PHF19: variants seen among roughly 807,000 people sequenced by gnomAD.
The protein encoded by PHF19 is polycomb like 3.
In PHF19, 21 loss-of-function variants were observed where a neutral mutation model predicts 79.8. The observed-to-expected ratio is 0.26, with a 90% CI of 0.19 to 0.38. PHF19 has a LOEUF of 0.38. Among genes scored for constraint, PHF19 ranks in the 10% least tolerant of loss-of-function variants. The pLI is 1.00. For synonymous variants in PHF19, 273 were observed against 296.3 expected (o/e 0.92, Z 0.81); for missense variants, 445 against 744.2 (o/e 0.60, Z 4.68).
upstream of PHF19, among the ~76,000 whole-genome samples, chr9:120,881,919 G>A (rs1013167699): frequency 3.9e-5 from 6 of 152,270 alleles, no homozygotes; most frequent in Middle Eastern, 3.4e-3. Flanking sequence ...ACGCTATCAC[G>A]CCTGGCTAAT....
rs2045381867 is a variant in PHF19, at chr9:120,857,260, A to C, written c.*684T>G. ...GACTTCTGGGACCTCCAAAGCTGACATTGGCAGCCTTCACTCTCAGCCTTA... is the reference window on the plus strand; with the variant it reads ...GACTTCTGGGACCTCCAAAGCTGACCTTGGCAGCCTTCACTCTCAGCCTTA... On this transcript the variant is annotated 3_prime_UTR_variant, in exon 15 of 15. Coordinates refer to ENST00000373896, the MANE Select transcript of PHF19 (RefSeq NM_015651.3). 1 of 151,822 alleles carries C rather than the reference A, an allele frequency of 6.6e-6. No homozygotes were observed. The allele number at this position is 151,822 out of a possible 1,614,324, so 9.4% of individuals were successfully genotyped here. A position where few individuals can be genotyped will look rare whatever the true frequency, so the allele number is the denominator to read the frequency against.
In PHF19 at chr9:120,858,093, G is replaced by A; in HGVS notation, c.1594C>T (p.Leu532=). 1 of 1,614,188 alleles carries A rather than the reference G, an allele frequency of 6.2e-7. No homozygotes were observed. The highest frequency in any genetic ancestry group is 2.2e-5 in the East Asian group (1 of 44,876). ...GTGATAGATGACTTGAGGTGGGACA[G>A]GGATGAGTCATCTTCACTGATGCTC... is the stretch of plus-strand genomic sequence containing the variant. ...FESISEDDSS[L]SHLKSSITNY... Residue 532 remains leucine (L), a synonymous_variant, in exon 15 of 15, where the codon CTG becomes TTG. Coordinates refer to ENST00000373896, the MANE Select transcript of PHF19 (RefSeq NM_015651.3).
At chr9:120,861,849 G>A (rs2045537073) in intron 12 of PHF19, 69 bp downstream of exon 12, 11 of 1,094,728 alleles carry the variant, frequency 1.0e-5, no homozygotes, top group Non-Finnish European at 1.6e-5. Context: ...CTTAGTTTTC[G>A]GCACAGGAAG....
chr9:120,870,740 A>C lies in PHF19; in HGVS notation c.269-202T>G, dbSNP rs1250160146. On this transcript the variant is annotated intron_variant, in intron 3 of 14. Coordinates refer to ENST00000373896, the MANE Select transcript of PHF19 (RefSeq NM_015651.3). This position sits in a 1 kb window ranked among gnomAD's most constrained non-coding sequence, Gnocchi z 4.4. ...GGGAAATTGAGGCTCTGAAAGGTTA[A>C]GTCCCTTGCTTAGCTAGTAAGTAGG... Among the ~76,000 whole-genome samples the C allele has an allele frequency of 1.3e-5, 2 of 152,212 alleles. No homozygotes were observed. The highest frequency in any genetic ancestry group is 3.8e-4 in the East Asian group (2 of 5,200).
At chr9:120,871,063 C>T (rs1312829038) in intron 3 of PHF19, among the ~76,000 whole-genome samples, 1 of 152,178 alleles carries the variant, frequency 6.6e-6, no homozygotes, top group East Asian at 1.9e-4. Flanking sequence ...CCACCACACC[C>T]AGCTACTTTT....
At position 120,856,736 on chromosome 9, in the gene PHF19, T is replaced by C. The variant is rs2045368913; in HGVS notation, c.*1208A>G. ...AAAAATTTCAACCTATCCCAAAAAG[T>C]GATTGTCCATTTCAGGGCAGGGCAA... is the stretch of plus-strand genomic sequence containing the variant. On this transcript the variant is annotated 3_prime_UTR_variant, in exon 15 of 15. Transcript: ENST00000373896. The C allele has an allele frequency of 6.6e-6, 1 of 152,564 alleles. No individual in the cohort carries two copies. The highest frequency in any genetic ancestry group is 2.4e-5 in the African/African-American group (1 of 41,422). 9.5% of individuals were successfully genotyped at this position (152,564 alleles called of 1,614,324 possible).
In PHF19 at chr9:120,862,570, G is replaced by T; in HGVS notation, c.1130+18C>A. On this transcript the variant is annotated intron_variant, in intron 11 of 14. Transcript: ENST00000373896. This position sits in a 1 kb window ranked among gnomAD's most constrained non-coding sequence, Gnocchi z 4.6. The stretch of plus-strand genomic sequence containing the variant: ...GAGTTTGGCGGCAGCCCTGGCCCCT[G>T]GGTCCCCGAGCACTGACCCAGGCTT... 1 of 1,609,044 alleles carries T rather than the reference G, an allele frequency of 6.2e-7. No individual in the cohort carries two copies. Among genetic ancestry groups the T allele is most frequent in the South Asian group, 1.1e-5 (1 of 90,928 alleles).
chr9:120,877,672 A>C (rs561400389), upstream of PHF19, among the ~76,000 whole-genome samples: 3 of 152,356 alleles, frequency 2.0e-5, no homozygotes, highest in East Asian at 5.8e-4. Flanking sequence ...ACACAGACCC[A>C]GGACGCCCAA....
Position 120,869,548 on chromosome 9 carries a change from G to T in PHF19, c.466-218C>A. ...GATAACAGAATTAAGAGTAATAAGCGCAATAAAGGCAACAATTACCAACAT... is the reference window on the plus strand; with the variant it reads ...GATAACAGAATTAAGAGTAATAAGCTCAATAAAGGCAACAATTACCAACAT... On this transcript the variant is annotated intron_variant, in intron 5 of 14. Coordinates refer to ENST00000373896, the MANE Select transcript of PHF19 (RefSeq NM_015651.3). The surrounding 1 kb of genome is among the most constrained non-coding windows in gnomAD (Gnocchi z 5.8). 1.4e-6 allele frequency: 2 copies of T among 1,431,062 alleles called. No homozygotes were observed. Among genetic ancestry groups the T allele is most frequent in the Non-Finnish European group, 1.8e-6 (2 of 1,088,346 alleles). 88.6% of individuals were successfully genotyped at this position (1,431,062 alleles called of 1,614,324 possible).
chr9:120,899,251 C>A (rs773747611), upstream of PHF19, among the ~76,000 whole-genome samples: 1 of 150,230 alleles, frequency 6.7e-6, no homozygotes, highest in Non-Finnish European at 1.5e-5. Context: ...GTAATCCCAG[C>A]ACTTTGGGAA....
At chr9:120,895,385 G>T (rs2046392613), upstream of PHF19, among the ~76,000 whole-genome samples, 1 of 149,298 alleles carries the variant, frequency 6.7e-6, no homozygotes, top group Non-Finnish European at 1.5e-5. Flanking sequence ...CTGAGTTCGA[G>T]ACCAGCCTGC....
chr9:120,895,469 G>GA (rs77732593), upstream of PHF19, among the ~76,000 whole-genome samples: 3,301 of 103,056 alleles, frequency 0.032, 58 homozygotes, highest in Non-Finnish European at 0.043. Flanking sequence ...TGTCTCAAAA[G>GA]AAAAAAAAAA....
intron 6 of PHF19, chr9:120,868,555 A>G (rs1412147031): frequency 6.5e-6 from 1 of 154,900 alleles, no homozygotes; most frequent in Non-Finnish European, 1.4e-5. Context: ...ACCACTCTTC[A>G]ATACTTCCTC....
upstream of PHF19, among the ~76,000 whole-genome samples, chr9:120,897,164 A>G (rs2046409927): frequency 6.6e-6 from 1 of 152,226 alleles, no homozygotes; most frequent in East Asian, 1.9e-4. Context: ...GAAGCCCCAG[A>G]GCCTCACAAT....
chr9:120,862,497 G>T lies in PHF19; in HGVS notation c.1130+91C>A, dbSNP rs1322137218. ...AGCCCTCTCAGGGTCCTACAGCTGG[G>T]ACTGGCTGGGTGCAGGTCCTCCTTG... is the stretch of plus-strand genomic sequence containing the variant. On this transcript the variant is annotated intron_variant, in intron 11 of 14. Transcript: ENST00000373896. The surrounding 1 kb of genome is among the most constrained non-coding windows in gnomAD (Gnocchi z 4.6). 8.0e-6 allele frequency: 9 copies of T among 1,128,468 alleles called. No homozygotes were observed. The South Asian group carries it at 1.2e-4, about 15-fold the overall frequency. 69.9% of individuals were successfully genotyped at this position (1,128,468 alleles called of 1,614,324 possible).
At chr9:120,884,175 A>T (rs2046230738) in intron 1 of PHF19, among the ~76,000 whole-genome samples, 1 of 152,374 alleles carries the variant, frequency 6.6e-6, no homozygotes, top group South Asian at 2.1e-4. Context: ...TACATACTAC[A>T]TTCAATTAGA....
In PHF19 at chr9:120,866,139, T is replaced by A; in HGVS notation, c.711-43A>T. The A allele has an allele frequency of 7.3e-7, 1 of 1,369,816 alleles. No homozygotes were observed. Among genetic ancestry groups the A allele is most frequent in the Non-Finnish European group, 1.0e-6 (1 of 957,458 alleles). 84.9% of individuals were successfully genotyped at this position (1,369,816 alleles called of 1,614,324 possible). On this transcript the variant is annotated intron_variant, in intron 7 of 14. Coordinates refer to ENST00000373896, the MANE Select transcript of PHF19 (RefSeq NM_015651.3). The surrounding 1 kb of genome is among the most constrained non-coding windows in gnomAD (Gnocchi z 5.2). ...CGGGGGCCTATGGTGGGAGGGGCTC[T>A]GACACCCCCACCCCAGTCCAGCCCC... is the stretch of plus-strand genomic sequence containing the variant.
chr9:120,871,509 C>G (rs976973820), intron 3 of PHF19, among the ~76,000 whole-genome samples: 2 of 152,176 alleles, frequency 1.3e-5, no homozygotes, highest in African/African-American at 4.8e-5. Context: ...AATTTTAAGT[C>G]TGTTCTTTTG....
upstream of PHF19, chr9:120,877,394 T>A (rs1015442640): frequency 9.2e-6 from 9 of 977,872 alleles, no homozygotes; most frequent in African/African-American, 1.4e-4. Context: ...GGCCTCGCCA[T>A]TGGAGCCCGC....
Sources: gnomAD v4.1 joint callset for allele counts (sites outside exome capture counted in the v4.1 genomes callset) on GRCh38, gnomAD v4.1.1 for gene constraint, Gnocchi (gnomAD v3.1) non-coding constraint, MANE v1.5 for transcripts, NCBI Gene and HGNC (gene_info 2026-07-23, HGNC 2026-07-21) for gene names.